FGD4: variants seen among roughly 807,000 people sequenced by gnomAD.
FGD4 encodes FYVE, RhoGEF and PH domain containing 4.
FGD4 carries 42 observed loss-of-function variants against 102.0 expected under a neutral mutation model. That is an observed-to-expected ratio of 0.41 (90% CI 0.32 to 0.53). FGD4 has a LOEUF of 0.53. Ranked by LOEUF, FGD4 falls within the 20% of genes least tolerant of loss-of-function variation. The pLI, the probability that FGD4 is intolerant of heterozygous loss-of-function variation, is 0.21. For missense variants in FGD4, 902 were observed against 1,078.2 expected (o/e 0.84, Z 2.29); for synonymous variants, 380 against 375.7 (o/e 1.01, Z -0.13).
intron 1 of FGD4, among the ~76,000 whole-genome samples, chr12:32,465,259 G>A (rs536839871): frequency 3.4e-5 from 5 of 145,686 alleles, no homozygotes; most frequent in African/African-American, 5.5e-5. Flanking sequence ...TACATATTTT[G>A]TATGTTTTAT....
chr12:32,486,069 C>T (rs1943890822), intron 1 of FGD4: 1 of 1,512,286 alleles, frequency 6.6e-7, no homozygotes, highest in African/African-American at 1.4e-5. Context: ...GGATCCAAAT[C>T]CTTGCTCCAG....
chr12:32,511,820 T>G (rs768835853), intron 1 of FGD4: 1 of 152,184 alleles, frequency 6.6e-6, no homozygotes, highest in African/African-American at 2.4e-5. Context: ...ATATTTTTTC[T>G]GTTCATTAGA....
At chr12:32,490,487 C>G (rs1008019501) in intron 1 of FGD4, among the ~76,000 whole-genome samples, 1 of 151,058 alleles carries the variant, frequency 6.6e-6, no homozygotes, top group Admixed American at 6.6e-5. Context: ...ACCTCCACCT[C>G]CCAGGTTCAA....
At chr12:32,552,427 T>C (rs1943743448) in intron 1 of FGD4, among the ~76,000 whole-genome samples, 1 of 129,506 alleles carries the variant, frequency 7.7e-6, no homozygotes, top group African/African-American at 3.3e-5. Context: ...GCCCGACTAA[T>C]TTTTGCATTT....
At chr12:32,630,879 G>A (rs1372936233) in intron 14 of FGD4, among the ~76,000 whole-genome samples, 1 of 151,812 alleles carries the variant, frequency 6.6e-6, no homozygotes, top group Non-Finnish European at 1.5e-5. Context: ...TCAGGAGGCT[G>A]AGGTGGGAGG....
intron 4 of FGD4, among the ~76,000 whole-genome samples, chr12:32,592,707 T>C (rs78744746): frequency 0.032 from 4,870 of 152,290 alleles, 114 homozygotes; most frequent in Non-Finnish European, 0.054. Flanking sequence ...AAATAAATCA[T>C]CTATTTCTCC....
rs762119543 is a variant in FGD4 at position 32,601,276 on chromosome 12, A to G, written c.1102-2A>G. 8.7e-6 allele frequency: 14 copies of G among 1,613,798 alleles called. No individual in the cohort carries two copies. The highest frequency in any genetic ancestry group is 1.2e-5 in the Non-Finnish European group (14 of 1,179,800). ...TAATGCTTACATTATTCTTTTATTCAGGTATTTTATTGCAAACTGTTGGAA... is the reference window on the plus strand; with the variant it reads ...TAATGCTTACATTATTCTTTTATTCGGGTATTTTATTGCAAACTGTTGGAA... On this transcript the variant is annotated splice_acceptor_variant, in intron 5 of 16. Transcript: ENST00000534526. LOFTEE classifies it high-confidence loss of function.
chr12:32,599,534 CTTTTTTTTTTTTTTTTT>C (rs764106230), intron 5 of FGD4, among the ~76,000 whole-genome samples: 2 of 35,352 alleles, frequency 5.7e-5, no homozygotes, highest in Admixed American at 6.4e-4. Context: ...ACTAAGGCAT[CTTTTTTTTTTTTTTTTT>C]TTTTTTTTTT....
At chr12:32,438,698 C>T (rs977647267) in intron 1 of FGD4, among the ~76,000 whole-genome samples, 3 of 151,776 alleles carry the variant, frequency 2.0e-5, no homozygotes, top group East Asian at 1.9e-4. Context: ...CTCCACCTCC[C>T]GGGTTCACGC....
chr12:32,543,631 A>G (rs1943011539), intron 1 of FGD4, among the ~76,000 whole-genome samples: 1 of 152,104 alleles, frequency 6.6e-6, no homozygotes, highest in South Asian at 2.1e-4. Flanking sequence ...GGAAATTACA[A>G]GAGTTTTGTT....
In FGD4 at chr12:32,573,208, G is replaced by T. The variant is rs188289739; in HGVS notation, c.320-3058G>T. ...CCTCCCGGGTTCACGCCATTCTCCTGCTTCAGCCTCCCGAGTAGCTGGGAC... is the reference window on the plus strand; with the variant it reads ...CCTCCCGGGTTCACGCCATTCTCCTTCTTCAGCCTCCCGAGTAGCTGGGAC... On this transcript the variant is annotated intron_variant, in intron 2 of 16. Transcript: ENST00000534526. Among the ~76,000 whole-genome samples the T allele has an allele frequency of 7.4e-3, 1,129 of 152,244 alleles. 12 individuals are homozygous for T. The highest frequency in any genetic ancestry group is 0.024 in the African/African-American group (1,006 of 41,542).
At chr12:32,617,225 A>G (rs1267305375) in intron 10 of FGD4, among the ~76,000 whole-genome samples, 2 of 152,246 alleles carry the variant, frequency 1.3e-5, no homozygotes, top group Admixed American at 1.3e-4. Context: ...AAGTTAAAAA[A>G]TAAAATAAAA....
rs1005893718 is a variant in FGD4, at chr12:32,599,310, C to T, written c.1101+724C>T. Among the ~76,000 whole-genome samples the T allele has an allele frequency of 7.4e-5, 11 of 148,334 alleles. 1 individual carries two copies. Among genetic ancestry groups the T allele is most frequent in the Admixed American group, 3.4e-4 (5 of 14,852 alleles). On this transcript the variant is annotated intron_variant, in intron 5 of 16. Coordinates refer to ENST00000534526, the MANE Select transcript of FGD4 (RefSeq NM_001370298.3). ...GAGATCGAGACCATCCTGGCTAACA[C>T]GGTGAAACCCCGTCTCTACTAAAAA...
At chr12:32,413,276 A>G (rs1468375537) in intron 1 of FGD4, among the ~76,000 whole-genome samples, 3 of 151,888 alleles carry the variant, frequency 2.0e-5, no homozygotes, top group Admixed American at 6.6e-5. Flanking sequence ...CTTAAAGTAT[A>G]TATAAAAAAA....
chr12:32,491,937 C>A (rs759020179), intron 1 of FGD4, among the ~76,000 whole-genome samples: 1 of 152,144 alleles, frequency 6.6e-6, no homozygotes, highest in South Asian at 2.1e-4. Flanking sequence ...AGAAAAGAAC[C>A]AAATTATAGC....
chr12:32,422,991 G>A (rs1301912063), intron 1 of FGD4, among the ~76,000 whole-genome samples: 1 of 152,154 alleles, frequency 6.6e-6, no homozygotes, highest in Non-Finnish European at 1.5e-5. Flanking sequence ...GTAGGTGGGG[G>A]AGTGACGATT....
At chr12:32,600,318 G>C (rs1472432591) in intron 5 of FGD4, 1 of 425,794 alleles carries the variant, frequency 2.3e-6, no homozygotes, top group Non-Finnish European at 3.9e-6. Flanking sequence ...CACTGCTGCT[G>C]ACCTTTTAGA....
chr12:32,541,609 C>A (rs1942837453), intron 1 of FGD4, among the ~76,000 whole-genome samples: 1 of 152,134 alleles, frequency 6.6e-6, no homozygotes, highest in African/African-American at 2.4e-5. Context: ...GGTGATCCGC[C>A]CGCCTCAGCC....
At chr12:32,478,563 G>T (rs1371699506) in intron 1 of FGD4, among the ~76,000 whole-genome samples, 1 of 152,138 alleles carries the variant, frequency 6.6e-6, no homozygotes, top group Non-Finnish European at 1.5e-5. Context: ...GTTGTGCCTG[G>T]CTTCTTGTTA....
Sources: allele counts gnomAD v4.1 joint callset (sites outside exome capture counted in the v4.1 genomes callset), GRCh38; gene constraint gnomAD v4.1.1; transcripts MANE v1.5; gene names NCBI Gene and HGNC (gene_info 2026-07-23, HGNC 2026-07-21).